RFWD3: variants seen among roughly 807,000 people sequenced by gnomAD.
The protein encoded by RFWD3 is ring finger and WD repeat domain 3.
RFWD3 carries 65 observed loss-of-function variants against 87.7 expected under a neutral mutation model. The ratio of observed to expected loss-of-function variants is 0.74; its 90% CI spans 0.61 to 0.91. The LOEUF (loss-of-function observed/expected upper bound fraction) is 0.91, where lower values mean the gene tolerates loss of function less well. Ranked by LOEUF, RFWD3 falls within the 40% of genes least tolerant of loss-of-function variation. The pLI, the probability that RFWD3 is intolerant of heterozygous loss-of-function variation, is 0.00. For missense variants in RFWD3, 1,078 were observed against 938.5 expected, an observed-to-expected ratio of 1.15 and a Z score of -1.94; for synonymous variants, 433 against 352.8, an observed-to-expected ratio of 1.23 and a Z score of -2.55.
At chr16:74,659,478 C>T (rs1961258685) in intron 2 of RFWD3, among the ~76,000 whole-genome samples, 1 of 152,142 alleles carries the variant, frequency 6.6e-6, no homozygotes, top group Non-Finnish European at 1.5e-5. Context: ...GCCTGCAATC[C>T]CAGCTACTTA....
chr16:74,628,817 C>G lies in RFWD3; in HGVS notation c.1755-151G>C, dbSNP rs1482489254. On this transcript the variant is annotated intron_variant, in intron 10 of 12. Coordinates refer to ENST00000361070, the MANE Select transcript of RFWD3 (RefSeq NM_018124.4). ...CTGATATCTGATAAAAATTATCAACCCTCTCTGTAGAAACAAAAGGACATA... is the reference window on the plus strand; with the variant it reads ...CTGATATCTGATAAAAATTATCAACGCTCTCTGTAGAAACAAAAGGACATA... 16 of 647,814 alleles carry G rather than the reference C, an allele frequency of 2.5e-5. 1 individual carries two copies. The highest frequency in any genetic ancestry group is 2.3e-4 in the Admixed American group (8 of 34,732). 40.1% of individuals were successfully genotyped at this position (647,814 alleles called of 1,614,324 possible).
At chr16:74,632,470 T>C in intron 9 of RFWD3, 53 bp downstream of exon 9, 3 of 1,578,320 alleles carry the variant, frequency 1.9e-6, no homozygotes, top group Non-Finnish European at 2.6e-6. Flanking sequence ...ACGAATTCCA[T>C]GCTACTCAAC....
chr16:74,639,338 C>T (rs978731935), intron 6 of RFWD3, among the ~76,000 whole-genome samples: 2 of 152,138 alleles, frequency 1.3e-5, no homozygotes, highest in Non-Finnish European at 2.9e-5. Context: ...ACACCCAGTG[C>T]GCTAAGCCAT....
At chr16:74,649,699 A>G (rs1049752182) in intron 3 of RFWD3, among the ~76,000 whole-genome samples, 1 of 152,194 alleles carries the variant, frequency 6.6e-6, no homozygotes, top group African/African-American at 2.4e-5. Flanking sequence ...AAATTTCCCA[A>G]TAGTTTTAAA....
intron 12 of RFWD3, among the ~76,000 whole-genome samples, chr16:74,625,724 A>G (rs1171895029): frequency 6.6e-6 from 1 of 152,224 alleles, no homozygotes; most frequent in Non-Finnish European, 1.5e-5. Context: ...GCTAGCTTCT[A>G]GAGTGGCACT....
At chr16:74,640,894 A>G (rs1468772561) in intron 6 of RFWD3, among the ~76,000 whole-genome samples, 2 of 151,964 alleles carry the variant, frequency 1.3e-5, no homozygotes, top group African/African-American at 4.8e-5. Context: ...AGCTGAGATC[A>G]CGCCACTGCA....
chr16:74,623,740 T>A lies in RFWD3; in HGVS notation c.*188A>T, dbSNP rs922131167. On this transcript the variant is annotated 3_prime_UTR_variant, in exon 13 of 13. Coordinates refer to ENST00000361070, the MANE Select transcript of RFWD3 (RefSeq NM_018124.4). ...AAGTACCCATCAATTACTCTTTTAG[T>A]GGACATAACAGATACACAATCTGTA... 11 of 555,380 alleles carry A rather than the reference T, an allele frequency of 2.0e-5. No homozygotes were observed. The highest frequency in any genetic ancestry group is 9.5e-5 in the African/African-American group (5 of 52,698). 34.4% of individuals were successfully genotyped at this position (555,380 alleles called of 1,614,324 possible). A position where few individuals can be genotyped will look rare whatever the true frequency, so the allele number is the denominator to read the frequency against.
At chr16:74,637,139 A>AAC (rs1450532723) in intron 7 of RFWD3, among the ~76,000 whole-genome samples, 9 of 150,776 alleles carry the variant, frequency 6.0e-5, no homozygotes, top group East Asian at 5.8e-4. Context: ...AAAAAAAAAA[A>AAC]AAAAAACAAC....
Position 74,623,972 on chromosome 16 carries a change from C to A in RFWD3, c.2281G>T (p.Ala761Ser), listed in dbSNP as rs748988162. 4 of 1,614,106 alleles carry A rather than the reference C, an allele frequency of 2.5e-6. No individual in the cohort carries two copies. The highest frequency in any genetic ancestry group is 3.4e-6 in the Non-Finnish European group (4 of 1,180,018). Residue 761 changes from alanine to serine, a missense_variant, in exon 13 of 13, where the codon GCT (alanine) becomes TCT (serine). Coordinates refer to ENST00000361070, the MANE Select transcript of RFWD3 (RefSeq NM_018124.4). Reference protein sequence around the residue: ...PFEVNRNSYLATLTEKMVHIY... With the variant: ...PFEVNRNSYLSTLTEKMVHIY... ...TGGACCATCTTCTCTGTTAAGGTAG[C>A]CAAGTAGCTGTTACGGTTCACCTCA...
chr16:74,640,616 C>T (rs1303893147), intron 6 of RFWD3, among the ~76,000 whole-genome samples: 1 of 151,714 alleles, frequency 6.6e-6, no homozygotes, highest in Non-Finnish European at 1.5e-5. Context: ...GCACTCTGGC[C>T]TTTGTGATAG....
chr16:74,655,836 C>T (rs1164361444), intron 2 of RFWD3, among the ~76,000 whole-genome samples: 1 of 152,170 alleles, frequency 6.6e-6, no homozygotes, highest in Non-Finnish European at 1.5e-5. Flanking sequence ...TATGTCTGTG[C>T]TCTCTAAATG....
Position 74,660,934 on chromosome 16 carries a change from G to A in RFWD3, c.516C>T (p.Ala172=). Residue 172 remains alanine, a splice_region_variant and synonymous_variant, in exon 2 of 13, where the codon GCC becomes GCT. Transcript: ENST00000361070. ...RAGGSQRTDS[A]RLRAPLDAYF... ...GACTTATCCATATATTTATTTACCT[G>A]GCACTGTCTGTCCTCTGAGACCCTC... The A allele has an allele frequency of 6.2e-7, 1 of 1,610,862 alleles. No homozygotes were observed. The highest frequency in any genetic ancestry group is 8.5e-7 in the Non-Finnish European group (1 of 1,177,682).
intron 6 of RFWD3, among the ~76,000 whole-genome samples, chr16:74,642,315 G>A (rs182847929): frequency 1.3e-5 from 2 of 152,000 alleles, no homozygotes; most frequent in Admixed American, 6.6e-5. Context: ...GTAAAGATGG[G>A]GTTTTGCCAT....
intron 11 of RFWD3, 88 bp downstream of exon 11, chr16:74,628,364 C>G: frequency 7.9e-7 from 1 of 1,259,598 alleles, no homozygotes; most frequent in African/African-American, 1.5e-5. Context: ...GGTACCACAG[C>G]CACCCAAAGG....
intron 8 of RFWD3, 37 bp from the exon 9 acceptor site, chr16:74,632,710 A>C (rs768715806): frequency 1.2e-6 from 2 of 1,603,028 alleles, no homozygotes; most frequent in Non-Finnish European, 1.7e-6. Context: ...AGATCACTGA[A>C]AGTGAACCTA....
intron 1 of RFWD3, among the ~76,000 whole-genome samples, chr16:74,663,650 T>G (rs778335558): frequency 6.6e-6 from 1 of 152,178 alleles, no homozygotes; most frequent in Non-Finnish European, 1.5e-5. Flanking sequence ...GACATTTTTT[T>G]AAGAAAGGAT....
chr16:74,657,500 G>C (rs1345843861), intron 2 of RFWD3, among the ~76,000 whole-genome samples: 6 of 134,420 alleles, frequency 4.5e-5, no homozygotes, highest in Non-Finnish European at 7.8e-5. Context: ...TTTTGAGACG[G>C]AGTCTCGCTC....
In RFWD3 at chr16:74,649,468, A is replaced by G. The variant is rs377720830; in HGVS notation, c.722-266T>C. Among the ~76,000 whole-genome samples, 7 of 152,352 alleles carry G rather than the reference A, an allele frequency of 4.6e-5. 1 individual carries two copies. The East Asian group carries it at 9.6e-4, about 21-fold the overall frequency. ...TACCCATCACTCAATTTAAAAAATA[A>G]TCAATATTTTGCCAATCTTGTTCCA... On this transcript the variant is annotated intron_variant, in intron 3 of 12. Transcript: ENST00000361070.
chr16:74,660,562 C>T (rs1379251081), intron 2 of RFWD3: 1 of 199,572 alleles, frequency 5.0e-6, no homozygotes, highest in Non-Finnish European at 1.0e-5. Flanking sequence ...CAAGTTCAAA[C>T]CAAGACTATG....
Sources: gnomAD v4.1 joint callset for allele counts (sites outside exome capture counted in the v4.1 genomes callset) on GRCh38, gnomAD v4.1.1 for gene constraint, MANE v1.5 for transcripts, NCBI Gene and HGNC (gene_info 2026-07-23, HGNC 2026-07-21) for gene names.